Variants in DOT1L observed in about 807,000 individuals in gnomAD.
DOT1L encodes the protein histone-lysine N-methyltransferase, H3 lysine-79 specific.
A neutral mutation model predicts 153.3 loss-of-function variants in DOT1L; 33 were observed. The ratio of observed to expected loss-of-function variants is 0.22; its 90% confidence interval spans 0.16 to 0.29. The LOEUF is 0.29. Among genes scored for constraint, DOT1L ranks in the 10% least tolerant of loss-of-function variants. The probability of loss-of-function intolerance (pLI) is 1.00; values close to 1 mark genes in which losing one functional copy is unlikely to be tolerated. For missense variants in DOT1L, 1,847 were observed against 2,119.9 expected, an observed-to-expected ratio of 0.87 and a Z score of 2.53; for synonymous variants, 1,135 against 965.1, an observed-to-expected ratio of 1.18 and a Z score of -3.26.
chr19:2,199,912 A>T lies in DOT1L; in HGVS notation c.680A>T (p.Glu227Val). 1 of 1,613,838 alleles carries T rather than the reference A, an allele frequency of 6.2e-7. No homozygotes were observed. Among genetic ancestry groups the T allele is most frequent in the Non-Finnish European group, 8.5e-7 (1 of 1,179,858 alleles). ...GAGAGAGGCGATTTCCTCTCAGAAG[A>T]GTGGAGGGAGCGAATCGCCAACACG... ...TLERGDFLSEEWRERIANTSV... is the reference protein window; with the variant it reads ...TLERGDFLSEVWRERIANTSV... Residue 227 changes from glutamate to valine, a missense_variant, in exon 8 of 28, where the codon GAG becomes GTG. Coordinates refer to ENST00000398665, the MANE Select transcript of DOT1L (RefSeq NM_032482.3).
intron 1 of DOT1L, among the ~76,000 whole-genome samples, chr19:2,173,387 C>T (rs1480090019): frequency 1.3e-5 from 2 of 152,148 alleles, no homozygotes; most frequent in Non-Finnish European, 2.9e-5. Flanking sequence ...GGTCCTGATG[C>T]AGACCCCAAG....
chr19:2,213,273 G>A (rs958501473), intron 16 of DOT1L: 3 of 400,342 alleles, frequency 7.5e-6, no homozygotes, highest in African/African-American at 6.1e-5. Context: ...CGTGGCTGGG[G>A]GCGCTGCCCT....
intron 7 of DOT1L, among the ~76,000 whole-genome samples, chr19:2,195,338 G>A (rs1486329571): frequency 6.6e-6 from 1 of 152,128 alleles, no homozygotes; most frequent in African/African-American, 2.4e-5. Context: ...TGCAGAGCTG[G>A]GTCCTTCCTT....
intron 1 of DOT1L, among the ~76,000 whole-genome samples, chr19:2,173,148 T>A (rs1378988532): frequency 6.6e-6 from 1 of 151,954 alleles, no homozygotes. Context: ...TCCTGGAGCG[T>A]TTTTCCCTGC....
At chr19:2,170,889 C>T (rs1228591267) in intron 1 of DOT1L, among the ~76,000 whole-genome samples, 1 of 152,018 alleles carries the variant, frequency 6.6e-6, no homozygotes, top group Non-Finnish European at 1.5e-5. Context: ...TCTCCCGGGA[C>T]CTGTCCCCCT....
chr19:2,201,284 T>C (rs2023269747), intron 8 of DOT1L, among the ~76,000 whole-genome samples: 3 of 136,272 alleles, frequency 2.2e-5, no homozygotes, highest in Admixed American at 7.4e-5. Context: ...GTCCTCCCCA[T>C]GCCCGTCATC....
At position 2,226,518 on chromosome 19, in the gene DOT1L, G is replaced by A; in HGVS notation, c.3997G>A (p.Asp1333Asn). 6.2e-7 allele frequency: 1 copy of A among 1,600,850 alleles called. No homozygotes were observed. ...AADLSLHSFS[D>N]GASLPHKGPE... The stretch of plus-strand genomic sequence containing the variant: ...GGACCTGAGTTTACACAGCTTCAGT[G>A]ATGGTGCTTCTCTTCCCCACAAGGG... The change falls in exon 27 of 28, where the codon GAT (aspartate) becomes AAT (asparagine). Residue 1333 changes from aspartate (D) to asparagine (N), a missense_variant. Transcript: ENST00000398665.
chr19:2,215,178 C>T (rs1036007057), intron 19 of DOT1L, among the ~76,000 whole-genome samples: 2 of 152,144 alleles, frequency 1.3e-5, no homozygotes, highest in Non-Finnish European at 1.5e-5. Flanking sequence ...CAAAAAGGGC[C>T]GTGTTTGAGC....
intron 22 of DOT1L, among the ~76,000 whole-genome samples, chr19:2,218,606 G>T (rs1286432960): frequency 1.3e-5 from 2 of 152,048 alleles, no homozygotes; most frequent in Non-Finnish European, 2.9e-5. Context: ...TGTTAGCCAG[G>T]ATGGTCTTGA....
At chr19:2,186,834 G>C (rs1383616063) in intron 3 of DOT1L, among the ~76,000 whole-genome samples, 1 of 152,208 alleles carries the variant, frequency 6.6e-6, no homozygotes, top group East Asian at 1.9e-4. Context: ...GGGGCCTCTC[G>C]CCACCCCCCC....
intron 8 of DOT1L, among the ~76,000 whole-genome samples, chr19:2,201,003 C>T (rs1599576849): frequency 3.8e-5 from 5 of 130,310 alleles, no homozygotes; most frequent in African/African-American, 9.1e-5. Context: ...CCTCATTCCT[C>T]GTCCTCCCCG....
At chr19:2,181,720 C>G (rs1938144825) in intron 2 of DOT1L, among the ~76,000 whole-genome samples, 1 of 152,136 alleles carries the variant, frequency 6.6e-6, no homozygotes. Context: ...GGAGGGAGGG[C>G]TCTGGATCAG....
Position 2,204,103 on chromosome 19 carries a change from G to A in DOT1L, c.787+1324G>A, listed in dbSNP as rs147402089. Among the ~76,000 whole-genome samples the A allele has an allele frequency of 1.0e-3, 158 of 152,144 alleles. No individual in the cohort carries two copies. Among genetic ancestry groups the A allele is most frequent in the Middle Eastern group, 0.01 (3 of 294 alleles). ...GGAGGGTGCTTGTGTGCCTGTGTCT[G>A]TGTGTGCGTGTCTGTGTCTCTGTGC... On this transcript the variant is annotated intron_variant, in intron 9 of 27. Coordinates refer to ENST00000398665, the MANE Select transcript of DOT1L (RefSeq NM_032482.3). This position sits in a 1 kb window ranked among gnomAD's most constrained non-coding sequence, Gnocchi z 5.7.
intron 9 of DOT1L, among the ~76,000 whole-genome samples, chr19:2,205,968 G>A (rs2023474343): frequency 6.6e-6 from 1 of 151,796 alleles, no homozygotes; most frequent in African/African-American, 2.4e-5. Context: ...GGGTTTACAG[G>A]CGTGAGCCTG....
At position 2,216,492 on chromosome 19, in the gene DOT1L, C is replaced by G. The variant is rs374407388; in HGVS notation, c.2135C>G (p.Ser712Cys). 8 of 1,612,506 alleles carry G rather than the reference C, an allele frequency of 5.0e-6. No individual in the cohort carries two copies. In the African/African-American group the frequency reaches 9.3e-5, roughly 19 times the overall value. ...PHLSSMSPEL[S>C]MNGQAAGYEL... ...TTGAGCAGCATGAGCCCGGAGCTCT[C>G]CATGAACGGCCAGGCTGCTGGCTAT... The change falls in exon 20 of 28, where the codon TCC becomes TGC. Residue 712 changes from serine (S) to cysteine (C), a missense_variant. By Grantham distance (112) the Ser-to-Cys change is moderately radical. Coordinates refer to ENST00000398665, the MANE Select transcript of DOT1L (RefSeq NM_032482.3).
rs768347012 is a variant in DOT1L at position 2,226,400 on chromosome 19, G to A, written c.3879G>A (p.Arg1293=). ...ATGCCAAGCTGGCCGCTCACCCCAG[G>A]AAAGGCTTTCCCGGCTCCCTGTCGG... ...SADAKLAAHP[R]KGFPGSLSGA... is the part of the protein sequence containing the mutation. The change falls in exon 27 of 28, where the codon AGG becomes AGA. Residue 1293 remains arginine (R), a synonymous_variant. Coordinates refer to ENST00000398665, the MANE Select transcript of DOT1L (RefSeq NM_032482.3). 101 of 1,598,584 alleles carry A rather than the reference G, an allele frequency of 6.3e-5. 1 individual carries two copies. The South Asian group carries it at 8.4e-4, about 13-fold the overall frequency.
chr19:2,213,316 C>A, intron 16 of DOT1L: 1 of 492,950 alleles, frequency 2.0e-6, no homozygotes. Context: ...AGGTGCAGTC[C>A]CTCCAGCTGG....
chr19:2,223,867 G>A (rs1338422277), intron 25 of DOT1L, among the ~76,000 whole-genome samples: 1 of 152,174 alleles, frequency 6.6e-6, no homozygotes, highest in Non-Finnish European at 1.5e-5. Context: ...CATTTAAAGT[G>A]TGCAATTCAG....
At position 2,217,157 on chromosome 19, in the gene DOT1L, T is replaced by C; in HGVS notation, c.2544+67T>C. 1 of 1,490,634 alleles carries C rather than the reference T, an allele frequency of 6.7e-7. No homozygotes were observed. The highest frequency in any genetic ancestry group is 1.4e-5 in the African/African-American group (1 of 71,892). The allele number at this position is 1,490,634 out of a possible 1,614,324, so 92.3% of individuals were successfully genotyped here. A position where few individuals can be genotyped will look rare whatever the true frequency, so the allele number is the denominator to read the frequency against. ...AGCAGAGGCGGCCTGAGCGAGTTGC[T>C]AGCAGGAGGGCTTGTCCTAGTTGAC... On this transcript the variant is annotated intron_variant, in intron 21 of 27. Coordinates refer to ENST00000398665, the MANE Select transcript of DOT1L (RefSeq NM_032482.3). The surrounding 1 kb of genome is among the most constrained non-coding windows in gnomAD (Gnocchi z 7.3).
Sources: allele counts gnomAD v4.1 joint callset (sites outside exome capture counted in the v4.1 genomes callset), GRCh38; gene constraint gnomAD v4.1.1; non-coding constraint Gnocchi (gnomAD v3.1); transcripts MANE v1.5; gene names NCBI Gene and HGNC (gene_info 2026-07-23, HGNC 2026-07-21).